The following DNAAF4 variants were observed in gnomAD, a reference collection of about 807,000 sequenced individuals.
DNAAF4 encodes dynein axonemal assembly factor 4.
A neutral mutation model predicts 51.8 loss-of-function variants in DNAAF4; 43 were observed. The ratio of observed to expected loss-of-function variants is 0.83; its 90% CI spans 0.65 to 1.07. The LOEUF (loss-of-function observed/expected upper bound fraction) is 1.07. DNAAF4 is among the 50% of genes least tolerant of loss of function. DNAAF4 has a pLI of 0.00. For missense variants in DNAAF4, 581 were observed against 493.0 expected (o/e 1.18, Z -1.69); for synonymous variants, 194 against 165.6 (o/e 1.17, Z -1.32).
At chr15:55,474,274 G>A (rs1485240279) in intron 4 of DNAAF4, among the ~76,000 whole-genome samples, 1 of 152,132 alleles carries the variant, frequency 6.6e-6, no homozygotes, top group Admixed American at 6.6e-5. Flanking sequence ...GATGGCTCAC[G>A]CCTATAATCT....
intron 4 of DNAAF4, among the ~76,000 whole-genome samples, chr15:55,469,364 CA>C (rs1452195592): frequency 6.7e-6 from 1 of 150,322 alleles, no homozygotes; most frequent in Non-Finnish European, 1.5e-5. Flanking sequence ...AAAAGAAAAA[CA>C]GAGTGTACAG....
intron 4 of DNAAF4, among the ~76,000 whole-genome samples, chr15:55,486,378 G>C (rs2058490038): frequency 6.6e-6 from 1 of 151,914 alleles, no homozygotes; most frequent in Admixed American, 6.6e-5. Context: ...ATTTTTAGTA[G>C]AGACAGGTTT....
chr15:55,436,930 C>T (rs752103325), intron 7 of DNAAF4, among the ~76,000 whole-genome samples: 4 of 152,108 alleles, frequency 2.6e-5, no homozygotes, highest in Non-Finnish European at 5.9e-5. Context: ...AAGCAATTCT[C>T]CTGCCTCAGC....
chr15:55,491,355 G>C, intron 3 of DNAAF4, 99 bp from the exon 4 acceptor site: 1 of 1,221,168 alleles, frequency 8.2e-7, no homozygotes, highest in Non-Finnish European at 1.1e-6. Context: ...AGATTTCTTT[G>C]TACCCAACTT....
chr15:55,443,045 G>T, intron 6 of DNAAF4: 1 of 1,611,008 alleles, frequency 6.2e-7, no homozygotes, highest in Non-Finnish European at 8.5e-7. Context: ...TGTGACACTT[G>T]TTCTTCTTTC....
chr15:55,452,219 G>A (rs2057944424), intron 5 of DNAAF4, among the ~76,000 whole-genome samples: 1 of 110,830 alleles, frequency 9.0e-6, no homozygotes, highest in Non-Finnish European at 1.6e-5. Flanking sequence ...CTGCACTCCA[G>A]CCTGGACAAC....
Position 55,448,519 on chromosome 15 carries a change from GGTGTGTGTGTGTGTGT to G in DNAAF4, c.783+1687_783+1702del, listed in dbSNP as rs111911388. On this transcript the variant is annotated intron_variant, in intron 6 of 9. Transcript: ENST00000321149. ...CCAACTCAAAAAAAAAAAAAAAAAG[GGTGTGTGTGTGTGTGT>G]GTGTGTGTGTGTGTGTGTGTGTGTA... is the stretch of plus-strand genomic sequence containing the variant. Among the ~76,000 whole-genome samples the G allele has an allele frequency of 2.0e-4, 20 of 99,904 alleles. No homozygotes were observed. In the South Asian group the frequency reaches 3.8e-3, roughly 19 times the overall value. 65.5% of individuals were successfully genotyped at this position (99,904 alleles called of 152,430 possible). A position where few individuals can be genotyped will look rare whatever the true frequency, so the allele number is the denominator to read the frequency against.
chr15:55,487,680 G>A (rs1171946097), intron 4 of DNAAF4, among the ~76,000 whole-genome samples: 2 of 151,636 alleles, frequency 1.3e-5, no homozygotes, highest in Non-Finnish European at 2.9e-5. Flanking sequence ...CTCCGGACGC[G>A]CCACCATTAA....
At chr15:55,502,756 T>TG (rs2058706381) in intron 1 of DNAAF4, among the ~76,000 whole-genome samples, 1 of 152,168 alleles carries the variant, frequency 6.6e-6, no homozygotes, top group African/African-American at 2.4e-5. Flanking sequence ...CCAGAATCTC[T>TG]GGGGCACATT....
chr15:55,463,214 A>AG (rs2058120913), intron 5 of DNAAF4, among the ~76,000 whole-genome samples: 1 of 151,708 alleles, frequency 6.6e-6, no homozygotes, highest in South Asian at 2.1e-4. Context: ...ACACACACAA[A>AG]GCATTTGACA....
rs143493699 is a variant in DNAAF4, at chr15:55,498,326, G to A, written c.4C>T (p.Pro2Ser). 1.2e-3 allele frequency: 1,905 copies of A among 1,601,526 alleles called. 6 individuals are homozygous for A. The highest frequency in any genetic ancestry group is 1.5e-3 in the Non-Finnish European group (1,756 of 1,172,602). Residue 2 changes from proline to serine, a missense_variant, in exon 2 of 10, where the codon CCT (proline) becomes TCT (serine). Physicochemically the swap from Pro to Ser is moderately conservative, Grantham distance 74. Coordinates refer to ENST00000321149, the MANE Select transcript of DNAAF4 (RefSeq NM_130810.4). The part of the protein sequence containing the change: M[P>S]LQVSDYSWQQ... ...CAGCTGTAATCGCTAACCTGAAGAG[G>A]CATTCCGGTAGCAACGGGAGCGGAT...
intron 5 of DNAAF4, among the ~76,000 whole-genome samples, chr15:55,452,106 G>C (rs1297104612): frequency 6.6e-6 from 1 of 151,616 alleles, no homozygotes; most frequent in Non-Finnish European, 1.5e-5. Flanking sequence ...AAATTAGTCA[G>C]GGGTGGTGGC....
At chr15:55,463,444 G>C (rs2058124056) in intron 5 of DNAAF4, among the ~76,000 whole-genome samples, 2 of 152,072 alleles carry the variant, frequency 1.3e-5, no homozygotes, top group South Asian at 4.1e-4. Flanking sequence ...AGAGCGATCA[G>C]ACAAGAGAAA....
chr15:55,495,369 T>A (rs930012369), intron 3 of DNAAF4, among the ~76,000 whole-genome samples: 6 of 148,072 alleles, frequency 4.1e-5, no homozygotes, highest in African/African-American at 1.2e-4. Flanking sequence ...AAAGCCTTGA[T>A]AGAAAGAATG....
At chr15:55,469,433 T>C (rs2141514889) in intron 4 of DNAAF4, among the ~76,000 whole-genome samples, 1 of 148,596 alleles carries the variant, frequency 6.7e-6, no homozygotes, top group Non-Finnish European at 1.5e-5. Flanking sequence ...ATAGGTCACT[T>C]CCATCACGAA....
At chr15:55,494,933 T>C (rs2058620309) in intron 3 of DNAAF4, among the ~76,000 whole-genome samples, 2 of 152,200 alleles carry the variant, frequency 1.3e-5, no homozygotes, top group South Asian at 4.1e-4. Flanking sequence ...CACCTGTGGC[T>C]ACTTTTGTGC....
chr15:55,453,288 A>G (rs1262432408), intron 5 of DNAAF4, among the ~76,000 whole-genome samples: 3 of 152,166 alleles, frequency 2.0e-5, no homozygotes, highest in Non-Finnish European at 4.4e-5. Flanking sequence ...ATACATACAC[A>G]CTAAGAAGTT....
intron 6 of DNAAF4, among the ~76,000 whole-genome samples, chr15:55,447,882 G>T (rs7495414): frequency 1.6e-5 from 2 of 123,976 alleles, no homozygotes; most frequent in Non-Finnish European, 3.7e-5. Context: ...AGAGGGGAGA[G>T]GGGAGCCCCT....
At chr15:55,426,322 A>C (rs2057430443), downstream of DNAAF4, among the ~76,000 whole-genome samples, 1 of 152,218 alleles carries the variant, frequency 6.6e-6, no homozygotes, top group Non-Finnish European at 1.5e-5. Context: ...TCTTGTGGCT[A>C]ATTTCTTAGT....
Sources: gnomAD v4.1 joint callset for allele counts (sites outside exome capture counted in the v4.1 genomes callset) on GRCh38, gnomAD v4.1.1 for gene constraint, MANE v1.5 for transcripts, NCBI Gene and HGNC (gene_info 2026-07-23, HGNC 2026-07-21) for gene names.